Variants in STXBP2 observed in about 807,000 individuals in gnomAD.
STXBP2 encodes the protein syntaxin binding protein 2, also known as syntaxin-binding protein 2.
In STXBP2, 47 loss-of-function variants were observed where a neutral mutation model predicts 72.2. That is an observed-to-expected ratio of 0.65 (90% confidence interval 0.51 to 0.83). STXBP2 has a LOEUF of 0.83. STXBP2 is among the 40% of genes least tolerant of loss of function. STXBP2 has a pLI of 0.00. For synonymous variants in STXBP2, 367 were observed against 338.7 expected, an observed-to-expected ratio of 1.08 and a Z score of -0.92; for missense variants, 702 against 807.6, an observed-to-expected ratio of 0.87 and a Z score of 1.58.
At chr19:7,646,671 A>C in intron 16 of STXBP2, 2 of 441,704 alleles carry the variant, frequency 4.5e-6, no homozygotes, top group Admixed American at 3.6e-5. Context: ...AGCACCATCC[A>C]ATGGCAATGG....
At chr19:7,640,411 T>C (rs1039148278) in intron 4 of STXBP2, 2 of 579,234 alleles carry the variant, frequency 3.5e-6, no homozygotes, top group East Asian at 7.1e-5. Context: ...TATGTGTGTA[T>C]GTATGTGTGC....
chr19:7,635,298 G>C (rs2146199784), upstream of STXBP2, among the ~76,000 whole-genome samples: 1 of 152,242 alleles, frequency 6.6e-6, no homozygotes. Flanking sequence ...ATGGATTGTG[G>C]TAATGGACAC....
At chr19:7,632,578 C>T, upstream of STXBP2, 2 of 1,601,512 alleles carry the variant, frequency 1.2e-6, no homozygotes, top group Non-Finnish European at 1.7e-6. The surrounding 1 kb of genome is among the most constrained non-coding windows in gnomAD (Gnocchi z 5.2). Flanking sequence ...CAACCCTACC[C>T]CTTCACCCCC....
At chr19:7,645,935 C>T (rs904371190) in intron 15 of STXBP2, 44 of 481,726 alleles carry the variant, frequency 9.1e-5, no homozygotes, top group Non-Finnish European at 1.5e-4. Context: ...TCTCTGTTTC[C>T]TGCTTCATCT....
intron 13 of STXBP2, 193 bp from the exon 14 acceptor site, chr19:7,644,421 G>A (rs898209027): frequency 4.1e-5 from 28 of 689,710 alleles, no homozygotes; most frequent in South Asian, 5.4e-5. Context: ...GGAAAGGTGG[G>A]ACCTGGGTGA....
In STXBP2 at chr19:7,637,881, C is replaced by T. The variant is rs980945976; in HGVS notation, c.37+695C>T. 3.9e-5 allele frequency among the ~76,000 whole-genome samples: 6 copies of T among 152,224 alleles called. No individual in the cohort carries two copies. In the East Asian group the frequency reaches 5.8e-4, roughly 15 times the overall value. The stretch of plus-strand genomic sequence containing the variant: ...TCTCCACTCTCTCCTCTAGGCAGGG[C>T]GGTCTGTAGCTCAAACCCCTTTAAT... On this transcript the variant is annotated intron_variant, in intron 1 of 18. Transcript: ENST00000221283.
rs768256304 is a variant in STXBP2 at position 7,642,193 on chromosome 19, C to G, written c.664-10C>G. 2 of 1,614,120 alleles carry G rather than the reference C, an allele frequency of 1.2e-6. No homozygotes were observed. Among genetic ancestry groups the G allele is most frequent in the Non-Finnish European group, 1.7e-6 (2 of 1,180,006 alleles). On this transcript the variant is annotated splice_polypyrimidine_tract_variant and intron_variant, in intron 8 of 18. Transcript: ENST00000221283. This position sits in a 1 kb window ranked among gnomAD's most constrained non-coding sequence, Gnocchi z 6.0. The stretch of plus-strand genomic sequence containing the variant: ...TCAGTGCCTCATTCCTGCCCTAAAC[C>G]CCACCCCAGGGCCCAGAGAAAACCC...
chr19:7,638,958 TG>T, intron 2 of STXBP2, 60 bp from the exon 3 acceptor site: 2 of 1,598,322 alleles, frequency 1.3e-6, no homozygotes, highest in South Asian at 2.2e-5. Flanking sequence ...TGGCCCCTTC[TG>T]GGGCCAGCTG....
At chr19:7,638,821 C>G in intron 2 of STXBP2, 46 bp downstream of exon 2, 1 of 1,612,006 alleles carries the variant, frequency 6.2e-7, no homozygotes, top group South Asian at 1.1e-5. Flanking sequence ...AGCTCATCAT[C>G]AGGCCTATGG....
Position 7,642,369 on chromosome 19 carries a change from C to G in STXBP2, c.794+36C>G. 6.2e-7 allele frequency: 1 copy of G among 1,613,308 alleles called. No individual in the cohort carries two copies. The highest frequency in any genetic ancestry group is 8.5e-7 in the Non-Finnish European group (1 of 1,179,236). On this transcript the variant is annotated intron_variant, in intron 9 of 18. Coordinates refer to ENST00000221283, the MANE Select transcript of STXBP2 (RefSeq NM_006949.4). The surrounding 1 kb of genome is among the most constrained non-coding windows in gnomAD (Gnocchi z 6.0). ...TTGGAACCCGTCCCCACCCTTGCCACTGACCTGGTTCCCCAGTCCTCAGCT... is the reference window on the plus strand; with the variant it reads ...TTGGAACCCGTCCCCACCCTTGCCAGTGACCTGGTTCCCCAGTCCTCAGCT...
chr19:7,638,862 C>T, intron 2 of STXBP2, 87 bp downstream of exon 2: 1 of 1,594,170 alleles, frequency 6.3e-7, no homozygotes, highest in Non-Finnish European at 8.6e-7. Context: ...CCCCCAAGAA[C>T]TGCCTGTCCA....
At chr19:7,641,905 G>A (rs1267350790) in intron 7 of STXBP2, 52 bp downstream of exon 7, 1 of 1,575,090 alleles carries the variant, frequency 6.3e-7, no homozygotes, top group Non-Finnish European at 8.6e-7. Context: ...TTAACCGCGT[G>A]CAACACCTAA....
At chr19:7,632,498 C>T, upstream of STXBP2, 1 of 1,613,576 alleles carries the variant, frequency 6.2e-7, no homozygotes, top group South Asian at 1.1e-5. This position sits in a 1 kb window ranked among gnomAD's most constrained non-coding sequence, Gnocchi z 5.2. Context: ...GGCTGTCCAT[C>T]TCGGGGGTGG....
intron 14 of STXBP2, 113 bp downstream of exon 14, chr19:7,644,865 A>G (rs1409520901): frequency 6.5e-7 from 1 of 1,546,972 alleles, no homozygotes; most frequent in South Asian, 1.2e-5. Flanking sequence ...CACCGGGCTC[A>G]CCAACCCCCA....
Position 7,642,067 on chromosome 19 carries a change from C to A in STXBP2, c.612C>A (p.Ala204=), listed in dbSNP as rs113033216. The A allele has an allele frequency of 6.2e-7, 1 of 1,613,952 alleles. No homozygotes were observed. Among genetic ancestry groups the A allele is most frequent in the Non-Finnish European group, 8.5e-7 (1 of 1,179,998 alleles). The part of the protein sequence containing the change: ...GPEDTAQLAH[A]VLAKLNAFKA... ...AGGACACAGCCCAGTTGGCCCACGC[C>A]GTCCTGGCCAAGCTGAACGCCTTCA... The change falls in exon 8 of 19, where the codon GCC becomes GCA. Residue 204 remains alanine, a synonymous_variant. Coordinates refer to ENST00000221283, the MANE Select transcript of STXBP2 (RefSeq NM_006949.4). The surrounding 1 kb of genome is among the most constrained non-coding windows in gnomAD (Gnocchi z 6.0).
intron 4 of STXBP2, 80 bp from the exon 5 acceptor site, chr19:7,640,651 G>T (rs77272119): frequency 1.2e-5 from 19 of 1,564,836 alleles, no homozygotes; most frequent in Admixed American, 3.4e-5. Context: ...GGTGGCAGAT[G>T]GGGGGTGGCT....
At chr19:7,637,335 G>C in intron 1 of STXBP2, 149 bp downstream of exon 1, 1 of 735,360 alleles carries the variant, frequency 1.4e-6, no homozygotes. Flanking sequence ...GGGCGGGCGG[G>C]GACGGGTTCC....
chr19:7,639,868 G>GTA (rs553708684), intron 4 of STXBP2, 61 bp downstream of exon 4: 2 of 1,522,682 alleles, frequency 1.3e-6, no homozygotes, highest in East Asian at 2.3e-5. Flanking sequence ...GCATGTGTGT[G>GTA]TATGTCTGCA....
At chr19:7,632,407 G>T (rs745981750), upstream of STXBP2, 6 of 1,613,938 alleles carry the variant, frequency 3.7e-6, no homozygotes, top group Non-Finnish European at 5.1e-6. The surrounding 1 kb of genome is among the most constrained non-coding windows in gnomAD (Gnocchi z 5.2). Flanking sequence ...GACCCCACGG[G>T]CTGGAAGCCG....
Sources: allele counts gnomAD v4.1 joint callset (sites outside exome capture counted in the v4.1 genomes callset), GRCh38; gene constraint gnomAD v4.1.1; non-coding constraint Gnocchi (gnomAD v3.1); transcripts MANE v1.5; gene names NCBI Gene and HGNC (gene_info 2026-07-23, HGNC 2026-07-21).